Variants in MYO18B observed in about 807,000 individuals in gnomAD.
MYO18B encodes myosin XVIIIB.
MYO18B carries 204 observed loss-of-function variants against 273.0 expected under a neutral mutation model. The ratio of observed to expected loss-of-function variants is 0.75; its 90% CI spans 0.67 to 0.84. The LOEUF (loss-of-function observed/expected upper bound fraction) is 0.84. Ranked by LOEUF, MYO18B falls within the 40% of genes least tolerant of loss-of-function variation. The probability of loss-of-function intolerance (pLI) is 0.00; values close to 1 mark genes in which losing one functional copy is unlikely to be tolerated. For missense variants in MYO18B, 3,212 were observed against 3,287.6 expected, an observed-to-expected ratio of 0.98 and a Z score of 0.56; for synonymous variants, 1,330 against 1,305.7, an observed-to-expected ratio of 1.02 and a Z score of -0.40.
intron 33 of MYO18B, among the ~76,000 whole-genome samples, chr22:25,915,959 T>G (rs1160099038): frequency 2.0e-5 from 3 of 152,250 alleles, no homozygotes; most frequent in African/African-American, 7.2e-5. Flanking sequence ...ATGCAGTTCT[T>G]GCAGATTAGA....
intron 17 of MYO18B, among the ~76,000 whole-genome samples, chr22:25,840,558 A>G (rs2145980474): frequency 6.6e-6 from 1 of 152,354 alleles, no homozygotes; most frequent in Non-Finnish European, 1.5e-5. Flanking sequence ...GAGGCTGGTC[A>G]CCTCTGTGGG....
chr22:25,962,960 C>G (rs2092933050), intron 39 of MYO18B, among the ~76,000 whole-genome samples: 1 of 151,998 alleles, frequency 6.6e-6, no homozygotes. Flanking sequence ...CCTTTCCTTT[C>G]TTCTCTTCCT....
intron 11 of MYO18B, among the ~76,000 whole-genome samples, chr22:25,786,190 G>T (rs1979358106): frequency 6.6e-6 from 1 of 152,212 alleles, no homozygotes; most frequent in Non-Finnish European, 1.5e-5. Context: ...CTAGGAGTAT[G>T]ATCCTCATCC....
chr22:25,844,460 G>A (rs2090177110), intron 18 of MYO18B, among the ~76,000 whole-genome samples: 1 of 152,198 alleles, frequency 6.6e-6, no homozygotes. Context: ...GACGACCAGG[G>A]AGGTGCTGGT....
chr22:25,816,926 T>G (rs1450870089), intron 12 of MYO18B, among the ~76,000 whole-genome samples: 1 of 152,208 alleles, frequency 6.6e-6, no homozygotes, highest in Non-Finnish European at 1.5e-5. Flanking sequence ...TGCAGCAAGA[T>G]TATAAAGAAG....
At chr22:25,780,590 C>CAA (rs59082074) in intron 9 of MYO18B, among the ~76,000 whole-genome samples, 3 of 65,202 alleles carry the variant, frequency 4.6e-5, no homozygotes, top group South Asian at 7.4e-4. Context: ...AACTCCATCT[C>CAA]AAAAAAAAAA....
At chr22:26,008,016 G>C (rs565548095) in intron 42 of MYO18B, among the ~76,000 whole-genome samples, 10 of 152,046 alleles carry the variant, frequency 6.6e-5, no homozygotes, top group African/African-American at 2.4e-4. Context: ...TAGCATATTT[G>C]TGAGATTTTT....
intron 33 of MYO18B, among the ~76,000 whole-genome samples, chr22:25,917,036 A>T (rs2092271468): frequency 6.6e-6 from 1 of 152,214 alleles, no homozygotes; most frequent in South Asian, 2.1e-4. Context: ...TGTCTCAAAA[A>T]CAAAAAACAA....
chr22:25,790,012 A>T (rs3859871), intron 11 of MYO18B, among the ~76,000 whole-genome samples: 1 of 152,100 alleles, frequency 6.6e-6, no homozygotes, highest in South Asian at 2.1e-4. Context: ...AATTAGCCGG[A>T]CGTGGTGGCG....
chr22:25,921,207 C>T, intron 33 of MYO18B, 50 bp from the exon 34 acceptor site: 1 of 1,517,698 alleles, frequency 6.6e-7, no homozygotes, highest in South Asian at 1.2e-5. Context: ...AACTTAGACC[C>T]TGGCCACTGC....
At chr22:25,754,334 T>C (rs2086040162) in intron 1 of MYO18B, among the ~76,000 whole-genome samples, 1 of 152,112 alleles carries the variant, frequency 6.6e-6, no homozygotes, top group African/African-American at 2.4e-5. Flanking sequence ...TCAGTGTAAT[T>C]GACAGGGAGG....
chr22:26,032,598 T>G (rs1399664166), downstream of MYO18B, among the ~76,000 whole-genome samples: 1 of 148,130 alleles, frequency 6.8e-6, no homozygotes, highest in Non-Finnish European at 1.5e-5. Flanking sequence ...CTCAGTTCAC[T>G]GCAACCTCTG....
At chr22:25,813,069 CT>C (rs1181754999) in intron 12 of MYO18B, among the ~76,000 whole-genome samples, 1 of 151,034 alleles carries the variant, frequency 6.6e-6, no homozygotes, top group African/African-American at 2.4e-5. Flanking sequence ...TCCCTTCCTT[CT>C]TTCTCTCCCC....
At chr22:25,876,026 GTGTGTGTGTGTGTGTGTGTA>G (rs1185796309) in intron 23 of MYO18B, among the ~76,000 whole-genome samples, 143 bp from the exon 24 acceptor site, 21 of 144,762 alleles carry the variant, frequency 1.5e-4, no homozygotes, top group African/African-American at 5.4e-4. Context: ...GTGTGTGTGT[GTGTGTGTGTGTGTGTGTGTA>G]TGTGTTTTAA....
Position 25,772,341 on chromosome 22 carries a change from C to T in MYO18B, c.1700C>T (p.Pro567Leu), listed in dbSNP as rs776854683. Residue 567 changes from proline to leucine, a missense_variant, in exon 7 of 44, where the codon CCT becomes CTT. Coordinates refer to ENST00000335473, the MANE Select transcript of MYO18B (RefSeq NM_032608.7). Reference sequence around the variant, plus strand: ...TGTGTGATGGTTTCACAGGCCAACCCTCCTGAGCTGGACCAGGTCGAGGAC... The same window carrying T: ...TGTGTGATGGTTTCACAGGCCAACCTTCCTGAGCTGGACCAGGTCGAGGAC... ...VDEEHVHRANPPELDQVEDLA... is the reference protein window; with the variant it reads ...VDEEHVHRANLPELDQVEDLA... The T allele has an allele frequency of 5.0e-6, 8 of 1,613,486 alleles. No homozygotes were observed. The Admixed American group carries it at 5.0e-5, about 10-fold the overall frequency.
chr22:25,998,132 A>G (rs942544821), intron 40 of MYO18B, among the ~76,000 whole-genome samples: 1 of 152,358 alleles, frequency 6.6e-6, no homozygotes. Flanking sequence ...GTGCTCAGAA[A>G]GCCAGGTAGC....
In MYO18B at chr22:25,768,340, G is replaced by A; in HGVS notation, c.424G>A (p.Val142Ile). 6.2e-7 allele frequency: 1 copy of A among 1,613,778 alleles called. No individual in the cohort carries two copies. Among genetic ancestry groups the A allele is most frequent in the South Asian group, 1.1e-5 (1 of 91,024 alleles). ...GSSATPTKKT[V>I]PFKRGVRRGD... is the part of the protein sequence containing the mutation. ...CAGTGCGACACCAACCAAAAAGACT[G>A]TCCCCTTCAAGAGGGGCGTGAGGAG... The change falls in exon 4 of 44, where the codon GTC becomes ATC. Residue 142 changes from valine (V) to isoleucine (I), a missense_variant. Transcript: ENST00000335473.
chr22:25,829,715 A>G (rs1443618542), intron 15 of MYO18B, among the ~76,000 whole-genome samples: 2 of 151,932 alleles, frequency 1.3e-5, no homozygotes, highest in Non-Finnish European at 2.9e-5. Context: ...GCGCACGCCC[A>G]TAATCCCAGC....
intron 42 of MYO18B, among the ~76,000 whole-genome samples, chr22:26,006,915 AAT>A (rs1440039854): frequency 2.0e-5 from 3 of 152,186 alleles, no homozygotes; most frequent in Admixed American, 1.3e-4. Context: ...ACAGAAGAGA[AAT>A]CTGAGACTCA....
Sources: allele counts gnomAD v4.1 joint callset (sites outside exome capture counted in the v4.1 genomes callset), GRCh38; gene constraint gnomAD v4.1.1; transcripts MANE v1.5; gene names NCBI Gene and HGNC (gene_info 2026-07-23, HGNC 2026-07-21).